The following DAAM1 variants were observed in gnomAD, a reference collection of about 807,000 sequenced individuals.
The protein encoded by DAAM1 is dishevelled associated activator of morphogenesis 1, also known as disheveled-associated activator of morphogenesis 1.
A neutral mutation model predicts 130.0 loss-of-function variants in DAAM1; 52 were observed. The ratio of observed to expected loss-of-function variants is 0.40; its 90% CI spans 0.32 to 0.50. The LOEUF is 0.50. Among genes scored for constraint, DAAM1 ranks in the 20% least tolerant of loss-of-function variants. DAAM1 has a pLI of 0.61. For missense variants in DAAM1, 1,134 were observed against 1,303.8 expected (o/e 0.87, Z 2.01); for synonymous variants, 452 against 444.5 (o/e 1.02, Z -0.21).
rs1404312185 is a variant in DAAM1 at position 59,299,790 on chromosome 14, C to T, written c.273+8484C>T. On this transcript the variant is annotated intron_variant, in intron 3 of 24. Coordinates refer to ENST00000360909, the MANE Select transcript of DAAM1 (RefSeq NM_001270520.2). ...CAGTCTGTTGGCTTCTGGGTGGGAC[C>T]CTGGACCTGATTTCCAGAATTAAGG... The T allele has an allele frequency of 2.0e-5, 3 of 151,962 alleles. 1 individual carries two copies. The highest frequency in any genetic ancestry group is 7.3e-5 in the African/African-American group (3 of 41,358). The allele number at this position is 151,962 out of a possible 1,614,324, so 9.4% of individuals were successfully genotyped here.
At chr14:59,341,743 T>C (rs921724022) in intron 16 of DAAM1, among the ~76,000 whole-genome samples, 6 of 152,224 alleles carry the variant, frequency 3.9e-5, no homozygotes, top group Non-Finnish European at 5.9e-5. Flanking sequence ...TTTTTATAAG[T>C]AGTATTCCTA....
At chr14:59,357,135 G>T (rs937274832) in intron 20 of DAAM1, among the ~76,000 whole-genome samples, 134 of 152,304 alleles carry the variant, frequency 8.8e-4, no homozygotes, top group African/African-American at 3.2e-3. Context: ...GTCAAATGAG[G>T]TATTATTTGG....
intron 1 of DAAM1, among the ~76,000 whole-genome samples, chr14:59,228,011 A>G (rs1166614157): frequency 3.3e-5 from 5 of 152,240 alleles, no homozygotes; most frequent in African/African-American, 1.2e-4. Context: ...CTTAGAGCAT[A>G]GAACTTGGTT....
At chr14:59,282,133 C>G (rs1883249640) in intron 2 of DAAM1, among the ~76,000 whole-genome samples, 1 of 152,076 alleles carries the variant, frequency 6.6e-6, no homozygotes, top group Admixed American at 6.6e-5. Flanking sequence ...CACCTTTCCC[C>G]ATAACAAGTG....
At chr14:59,221,791 TG>T (rs1217055343) in intron 1 of DAAM1, among the ~76,000 whole-genome samples, 1 of 152,208 alleles carries the variant, frequency 6.6e-6, no homozygotes, top group African/African-American at 2.4e-5. Context: ...GTCCTTAACT[TG>T]CATTTCAATG....
rs534168222 is a variant in DAAM1, at chr14:59,335,852, T to C, written c.1968+3932T>C. 1.1e-4 allele frequency among the ~76,000 whole-genome samples: 16 copies of C among 152,294 alleles called. No individual in the cohort carries two copies. In the South Asian group the frequency reaches 1.2e-3, roughly 12 times the overall value. The stretch of plus-strand genomic sequence containing the variant: ...TAGAGCATTCAATGATACCTTCTGA[T>C]TTTTTATAAATTATCAAAGAATTTT... On this transcript the variant is annotated intron_variant, in intron 15 of 24. Coordinates refer to ENST00000360909, the MANE Select transcript of DAAM1 (RefSeq NM_001270520.2).
chr14:59,214,979 G>T (rs577839132), intron 1 of DAAM1, among the ~76,000 whole-genome samples: 4 of 152,138 alleles, frequency 2.6e-5, no homozygotes, highest in Admixed American at 6.5e-5. Context: ...GAAAGTTCAG[G>T]TTTCTCCATA....
chr14:59,255,221 A>G (rs1566669921), intron 1 of DAAM1, among the ~76,000 whole-genome samples: 1 of 152,196 alleles, frequency 6.6e-6, no homozygotes, highest in Non-Finnish European at 1.5e-5. Flanking sequence ...GTGCCCTATT[A>G]GAACATCCTT....
At chr14:59,336,138 T>C (rs1426076852) in intron 15 of DAAM1, among the ~76,000 whole-genome samples, 1 of 152,136 alleles carries the variant, frequency 6.6e-6, no homozygotes, top group Non-Finnish European at 1.5e-5. Flanking sequence ...GGATAGAGAT[T>C]CATAATTTTT....
In DAAM1 at chr14:59,213,311, C is replaced by A. The variant is rs891851330; in HGVS notation, c.-38+24543C>A. Among the ~76,000 whole-genome samples the A allele has an allele frequency of 1.0e-4, 12 of 117,538 alleles. 1 individual carries two copies. The Middle Eastern group carries it at 0.029, about 283-fold the overall frequency. 77.1% of individuals were successfully genotyped at this position (117,538 alleles called of 152,430 possible). ...AGCTCTTATATATATTGAGATTCTCCATGAGATTTCATTTGTATAAATGAT... is the reference window on the plus strand; with the variant it reads ...AGCTCTTATATATATTGAGATTCTCAATGAGATTTCATTTGTATAAATGAT... On this transcript the variant is annotated intron_variant, in intron 1 of 24. Coordinates refer to ENST00000360909, the MANE Select transcript of DAAM1 (RefSeq NM_001270520.2).
chr14:59,366,560 C>G (rs1886924898), intron 23 of DAAM1, among the ~76,000 whole-genome samples: 1 of 152,148 alleles, frequency 6.6e-6, no homozygotes, highest in Non-Finnish European at 1.5e-5. Context: ...GTGCTATACC[C>G]TACAATATTT....
chr14:59,368,474 C>G (rs190783201), intron 24 of DAAM1, among the ~76,000 whole-genome samples, 176 bp from the exon 25 acceptor site: 7 of 152,128 alleles, frequency 4.6e-5, no homozygotes, highest in Admixed American at 3.9e-4. Flanking sequence ...TCCATTGCTC[C>G]TGCAATGGAG....
chr14:59,241,443 T>C (rs1881112511), intron 1 of DAAM1, among the ~76,000 whole-genome samples: 1 of 152,250 alleles, frequency 6.6e-6, no homozygotes, highest in South Asian at 2.1e-4. Flanking sequence ...GCTAAAATTA[T>C]CTGTGTTTTT....
intron 2 of DAAM1, among the ~76,000 whole-genome samples, chr14:59,280,884 T>C (rs1883185436): frequency 6.6e-6 from 1 of 152,176 alleles, no homozygotes; most frequent in Non-Finnish European, 1.5e-5. Context: ...TTTTAAGTGC[T>C]ATCATTTTTT....
chr14:59,301,738 C>T (rs1446763386), intron 3 of DAAM1, among the ~76,000 whole-genome samples: 1 of 152,188 alleles, frequency 6.6e-6, no homozygotes, highest in East Asian at 1.9e-4. Context: ...GAGACTCTCT[C>T]CTCTTCCTCG....
chr14:59,248,512 T>C (rs554852535), intron 1 of DAAM1, among the ~76,000 whole-genome samples: 94 of 152,194 alleles, frequency 6.2e-4, no homozygotes, highest in African/African-American at 2.1e-3. Context: ...TGGAGAGGAA[T>C]CCCCAGTGAG....
At chr14:59,324,102 G>T in intron 6 of DAAM1, 26 bp from the exon 7 acceptor site, 1 of 1,331,604 alleles carries the variant, frequency 7.5e-7, no homozygotes, top group Non-Finnish European at 9.8e-7. Flanking sequence ...TAACGTTTCA[G>T]TCCTTTGTTT....
At chr14:59,203,927 G>A (rs1489992860) in intron 1 of DAAM1, among the ~76,000 whole-genome samples, 1 of 152,152 alleles carries the variant, frequency 6.6e-6, no homozygotes, top group Non-Finnish European at 1.5e-5. Context: ...ATTTAACAGG[G>A]ATTATGTAGC....
intron 1 of DAAM1, among the ~76,000 whole-genome samples, chr14:59,209,496 C>T (rs1888363684): frequency 6.6e-6 from 1 of 152,128 alleles, no homozygotes; most frequent in Non-Finnish European, 1.5e-5. Flanking sequence ...CTGTGGGAAA[C>T]CAATATGCAT....
Sources: gnomAD v4.1 joint callset for allele counts (sites outside exome capture counted in the v4.1 genomes callset) on GRCh38, gnomAD v4.1.1 for gene constraint, MANE v1.5 for transcripts, NCBI Gene and HGNC (gene_info 2026-07-23, HGNC 2026-07-21) for gene names.